GRM5: variants seen among roughly 807,000 people sequenced by gnomAD.
GRM5 encodes the protein metabotropic glutamate receptor 5.
In GRM5, 19 loss-of-function variants were observed where a neutral mutation model predicts 83.1. The ratio of observed to expected loss-of-function variants is 0.23; its 90% CI spans 0.16 to 0.34. The LOEUF (loss-of-function observed/expected upper bound fraction) is 0.34. Among genes scored for constraint, GRM5 ranks in the 10% least tolerant of loss-of-function variants. The probability of loss-of-function intolerance (pLI) is 1.00; values close to 1 mark genes in which losing one functional copy is unlikely to be tolerated. For missense variants in GRM5, 1,160 were observed against 1,588.3 expected, an observed-to-expected ratio of 0.73 and a Z score of 4.58; for synonymous variants, 675 against 633.6, an observed-to-expected ratio of 1.07 and a Z score of -0.98.
At chr11:88,998,966 T>C (rs2135064707) in intron 2 of GRM5, among the ~76,000 whole-genome samples, 1 of 152,182 alleles carries the variant, frequency 6.6e-6, no homozygotes, top group African/African-American at 2.4e-5. Context: ...TTGACAAACC[T>C]GACAAAAACA....
intron 3 of GRM5, among the ~76,000 whole-genome samples, chr11:88,769,433 A>G (rs1317464381): frequency 6.6e-6 from 1 of 152,068 alleles, no homozygotes; most frequent in East Asian, 1.9e-4. Flanking sequence ...GAGTATATGC[A>G]ACACCCAGAT....
chr11:89,062,423 C>A (rs1469408776), intron 1 of GRM5, among the ~76,000 whole-genome samples: 3 of 152,164 alleles, frequency 2.0e-5, no homozygotes, highest in Non-Finnish European at 2.9e-5. Flanking sequence ...ATGGCCAGTG[C>A]CCAGGATTAG....
intron 3 of GRM5, among the ~76,000 whole-genome samples, chr11:88,826,060 T>G (rs1244792397): frequency 1.3e-5 from 2 of 152,168 alleles, no homozygotes; most frequent in Non-Finnish European, 2.9e-5. Flanking sequence ...TGTTAAGAGG[T>G]GTTTTCTTCT....
At chr11:88,813,146 T>C (rs1943614538) in intron 3 of GRM5, among the ~76,000 whole-genome samples, 1 of 152,202 alleles carries the variant, frequency 6.6e-6, no homozygotes, top group Non-Finnish European at 1.5e-5. Flanking sequence ...AAATTTAGAT[T>C]TCTTGCAAAA....
At chr11:89,025,494 G>T (rs539918946) in intron 2 of GRM5, among the ~76,000 whole-genome samples, 4 of 152,130 alleles carry the variant, frequency 2.6e-5, no homozygotes, top group Non-Finnish European at 5.9e-5. Flanking sequence ...TAGGAACTAC[G>T]CAATAACCTG....
At chr11:89,052,910 G>A (rs1490369501) in intron 1 of GRM5, among the ~76,000 whole-genome samples, 1 of 152,078 alleles carries the variant, frequency 6.6e-6, no homozygotes, top group Non-Finnish European at 1.5e-5. Context: ...GATGTAATGG[G>A]TTTTGATAAG....
intron 3 of GRM5, among the ~76,000 whole-genome samples, chr11:88,782,121 T>C (rs1376203824): frequency 6.6e-6 from 1 of 152,082 alleles, no homozygotes; most frequent in Admixed American, 6.6e-5. Context: ...CTAATTTTTT[T>C]ACAAAAGCTT....
intron 2 of GRM5, among the ~76,000 whole-genome samples, chr11:88,875,723 C>G (rs566179957): frequency 2.0e-5 from 3 of 152,134 alleles, no homozygotes; most frequent in African/African-American, 7.2e-5. Context: ...TCTTAGCAGG[C>G]ATGAAAACAA....
At chr11:88,695,793 C>T (rs1377661763) in intron 3 of GRM5, among the ~76,000 whole-genome samples, 1 of 152,166 alleles carries the variant, frequency 6.6e-6, no homozygotes, top group Non-Finnish European at 1.5e-5. Flanking sequence ...TTCTTCCATG[C>T]TCTGCTGCTA....
intron 2 of GRM5, among the ~76,000 whole-genome samples, chr11:88,881,196 T>G (rs754059188): frequency 4.6e-5 from 7 of 152,058 alleles, no homozygotes; most frequent in Non-Finnish European, 7.4e-5. Context: ...CCATCTCATT[T>G]TCTTTTAAAG....
At chr11:89,050,414 C>T (rs1941732639) in intron 1 of GRM5, among the ~76,000 whole-genome samples, 1 of 152,168 alleles carries the variant, frequency 6.6e-6, no homozygotes, top group African/African-American at 2.4e-5. Flanking sequence ...AATATACAAG[C>T]TCCCTATACT....
chr11:88,922,398 A>T (rs1945708745), intron 2 of GRM5, among the ~76,000 whole-genome samples: 1 of 152,208 alleles, frequency 6.6e-6, no homozygotes, highest in Non-Finnish European at 1.5e-5. Context: ...CCAATGTAAC[A>T]AAATAGATAA....
chr11:88,888,626 G>C (rs758025169), intron 2 of GRM5, among the ~76,000 whole-genome samples: 1 of 151,816 alleles, frequency 6.6e-6, no homozygotes, highest in Middle Eastern at 3.4e-3. Flanking sequence ...AAAGGTAAAA[G>C]TTTTTTTTTA....
chr11:88,524,762 T>C (rs11607200), intron 9 of GRM5, among the ~76,000 whole-genome samples: 14,054 of 152,214 alleles, frequency 0.092, 867 homozygotes, highest in Non-Finnish European at 0.14. Context: ...GATTTCAGTT[T>C]GAGAAAAGCC....
At chr11:88,532,787 T>C (rs2135119559) in intron 8 of GRM5, among the ~76,000 whole-genome samples, 1 of 152,308 alleles carries the variant, frequency 6.6e-6, no homozygotes, top group South Asian at 2.1e-4. Context: ...ATATTAAAGA[T>C]GTTTACAGAA....
In GRM5 at chr11:89,047,720, T is replaced by A. The variant is rs1252891643; in HGVS notation, c.153A>T (p.Lys51Asn). 6.2e-7 allele frequency: 1 copy of A among 1,613,982 alleles called. No homozygotes were observed. Among genetic ancestry groups the A allele is most frequent in the Non-Finnish European group, 8.5e-7 (1 of 1,180,018 alleles). ...FSVHHQPTVDKVHERKCGAVR... is the reference protein window; with the variant it reads ...FSVHHQPTVDNVHERKCGAVR... ...CCGCCCCACACTTCCTCTCATGAACTTTGTCCACAGTAGGCTGGTGATGAA... is the reference window on the plus strand; with the variant it reads ...CCGCCCCACACTTCCTCTCATGAACATTGTCCACAGTAGGCTGGTGATGAA... Residue 51 changes from lysine to asparagine, a missense_variant, in exon 2 of 10, where the codon AAA (lysine) becomes AAT (asparagine). Transcript: ENST00000305447. This position sits in a 1 kb window ranked among gnomAD's most constrained non-coding sequence, Gnocchi z 5.1.
At chr11:88,792,545 C>G (rs1361520999) in intron 3 of GRM5, among the ~76,000 whole-genome samples, 2 of 152,032 alleles carry the variant, frequency 1.3e-5, no homozygotes, top group African/African-American at 4.8e-5. Flanking sequence ...ATGACAGTAA[C>G]ATTACAACTA....
At chr11:88,937,559 G>C (rs986714127) in intron 2 of GRM5, among the ~76,000 whole-genome samples, 2 of 151,526 alleles carry the variant, frequency 1.3e-5, no homozygotes, top group African/African-American at 4.8e-5. Flanking sequence ...CATTCACATG[G>C]CTGGATATTT....
chr11:88,531,368 C>T (rs568102699), intron 8 of GRM5, among the ~76,000 whole-genome samples: 2 of 152,002 alleles, frequency 1.3e-5, no homozygotes, highest in Non-Finnish European at 2.9e-5. Flanking sequence ...GACAGGGACT[C>T]TATATGGTTT....
Sources: gnomAD v4.1 joint callset for allele counts (sites outside exome capture counted in the v4.1 genomes callset) on GRCh38, gnomAD v4.1.1 for gene constraint, Gnocchi (gnomAD v3.1) non-coding constraint, MANE v1.5 for transcripts, NCBI Gene and HGNC (gene_info 2026-07-23, HGNC 2026-07-21) for gene names.